The following AFF3 variants were observed in gnomAD, a reference collection of about 807,000 sequenced individuals.
AFF3 encodes ALF transcription elongation factor 3, also known as AF4/FMR2 family member 3.
In AFF3, 32 loss-of-function variants were observed where a neutral mutation model predicts 129.7. The observed-to-expected ratio is 0.25, with a 90% CI of 0.19 to 0.33. AFF3 has a LOEUF of 0.33. Ranked by LOEUF, AFF3 falls within the 10% of genes least tolerant of loss-of-function variation. The pLI is 1.00. For missense variants in AFF3, 1,373 were observed against 1,592.0 expected (o/e 0.86, Z 2.34); for synonymous variants, 644 against 635.4 (o/e 1.01, Z -0.20).
chr2:99,717,186 G>C (rs1360933156), intron 11 of AFF3, among the ~76,000 whole-genome samples: 1 of 152,160 alleles, frequency 6.6e-6, no homozygotes, highest in African/African-American at 2.4e-5. Flanking sequence ...AAGTAGCTAC[G>C]AATATTCTTG....
rs966104450 is a variant in AFF3 at position 99,548,700 on chromosome 2, G to A, written c.*2774C>T. 13 of 225,600 alleles carry A rather than the reference G, an allele frequency of 5.8e-5. No individual in the cohort carries two copies. Among genetic ancestry groups the A allele is most frequent in the East Asian group, 1.9e-4 (3 of 15,664 alleles). 14.0% of individuals were successfully genotyped at this position (225,600 alleles called of 1,614,324 possible). A position where few individuals can be genotyped will look rare whatever the true frequency, so the allele number is the denominator to read the frequency against. ...TGAGGCTGCAGGGAGCCATGATCGCGCCACCGCATTCCAGCTTGGGCTACA... is the reference window on the plus strand; with the variant it reads ...TGAGGCTGCAGGGAGCCATGATCGCACCACCGCATTCCAGCTTGGGCTACA... On this transcript the variant is annotated 3_prime_UTR_variant, in exon 25 of 25. Coordinates refer to ENST00000672756, the MANE Select transcript of AFF3 (RefSeq NM_001386135.1).
intron 8 of AFF3, among the ~76,000 whole-genome samples, chr2:99,767,436 TAATA>T (rs1432086095): frequency 2.0e-5 from 3 of 152,244 alleles, no homozygotes; most frequent in African/African-American, 7.2e-5. Context: ...ATTTTGGTTT[TAATA>T]AACTTCCTAA....
chr2:99,841,887 T>C lies in AFF3; in HGVS notation c.874-4363A>G, dbSNP rs1474524360. On this transcript the variant is annotated intron_variant, in intron 7 of 24. Coordinates refer to ENST00000672756, the MANE Select transcript of AFF3 (RefSeq NM_001386135.1). ...TAGAGCTGGCTCATGCTGAGGTAAC[T>C]TGCATGCTCACAGTATGAAAATAAA... is the stretch of plus-strand genomic sequence containing the variant. Among the ~76,000 whole-genome samples the C allele has an allele frequency of 3.9e-5, 6 of 152,288 alleles. No homozygotes were observed. In the East Asian group the frequency reaches 5.8e-4, roughly 15 times the overall value.
chr2:99,973,078 A>C (rs191207071), intron 7 of AFF3, among the ~76,000 whole-genome samples: 149 of 152,302 alleles, frequency 9.8e-4, no homozygotes, highest in African/African-American at 3.4e-3. Context: ...AAAACAACAC[A>C]TGATACCTGT....
chr2:99,845,015 C>T (rs1489916262), intron 7 of AFF3, among the ~76,000 whole-genome samples: 4 of 151,958 alleles, frequency 2.6e-5, no homozygotes, highest in Non-Finnish European at 4.4e-5. Flanking sequence ...AGAATAATGC[C>T]GGTTATCTAC....
At chr2:99,635,002 CATAT>C (rs1395814938) in intron 13 of AFF3, among the ~76,000 whole-genome samples, 4 of 149,622 alleles carry the variant, frequency 2.7e-5, no homozygotes, top group African/African-American at 1.0e-4. Context: ...CACACACACA[CATAT>C]GGTTGCTGTA....
At position 99,550,059 on chromosome 2, in the gene AFF3, T is replaced by C. The variant is rs1317033289; in HGVS notation, c.*1415A>G. 2 of 227,586 alleles carry C rather than the reference T, an allele frequency of 8.8e-6. No homozygotes were observed. Among genetic ancestry groups the C allele is most frequent in the Middle Eastern group, 1.3e-3 (1 of 772 alleles). The allele number at this position is 227,586 out of a possible 1,614,324, so 14.1% of individuals were successfully genotyped here. A position where few individuals can be genotyped will look rare whatever the true frequency, so the allele number is the denominator to read the frequency against. The stretch of plus-strand genomic sequence containing the variant: ...CCTCTTTTTCAGGAGTTATTTTCTT[T>C]TCGTCAAGATTTCATATCCAAATAT... On this transcript the variant is annotated 3_prime_UTR_variant, in exon 25 of 25. Coordinates refer to ENST00000672756, the MANE Select transcript of AFF3 (RefSeq NM_001386135.1).
At chr2:100,095,416 G>A (rs1402576614) in intron 4 of AFF3, among the ~76,000 whole-genome samples, 3 of 152,108 alleles carry the variant, frequency 2.0e-5, no homozygotes, top group African/African-American at 4.8e-5. Context: ...GGACTATGAC[G>A]TATTAAGGCA....
intron 11 of AFF3, among the ~76,000 whole-genome samples, chr2:99,696,086 C>T (rs5012600): frequency 6.6e-6 from 1 of 151,812 alleles, no homozygotes; most frequent in Non-Finnish European, 1.5e-5. Flanking sequence ...GCCTGACAGC[C>T]TCAGACAACA....
chr2:99,847,478 G>A (rs1043987970), intron 7 of AFF3, among the ~76,000 whole-genome samples: 2 of 151,916 alleles, frequency 1.3e-5, no homozygotes, highest in Non-Finnish European at 2.9e-5. Context: ...TTATTCTACT[G>A]GTGTTGCTTT....
chr2:99,995,808 T>C (rs535027287), intron 7 of AFF3, among the ~76,000 whole-genome samples: 1 of 152,342 alleles, frequency 6.6e-6, no homozygotes, highest in South Asian at 2.1e-4. Context: ...CTGGAAAAAC[T>C]GTTTACAATG....
intron 7 of AFF3, among the ~76,000 whole-genome samples, chr2:99,947,539 AAGAG>A (rs1217992360): frequency 2.0e-5 from 3 of 148,924 alleles, no homozygotes; most frequent in Non-Finnish European, 3.0e-5. Flanking sequence ...AAGAAAGAAA[AAGAG>A]AGAAAGAAAG....
intron 10 of AFF3, among the ~76,000 whole-genome samples, chr2:99,736,460 C>T (rs956818714): frequency 1.3e-5 from 2 of 152,026 alleles, no homozygotes; most frequent in African/African-American, 4.8e-5. Flanking sequence ...ATATATTTTC[C>T]TAACCTTTTT....
intron 24 of AFF3, among the ~76,000 whole-genome samples, chr2:99,552,523 C>T (rs1674504053): frequency 6.6e-6 from 1 of 152,170 alleles, no homozygotes. Flanking sequence ...GAGGAAAACA[C>T]ATTCATATGG....
chr2:99,630,233 T>A (rs926408229), intron 13 of AFF3, among the ~76,000 whole-genome samples: 1 of 152,218 alleles, frequency 6.6e-6, no homozygotes, highest in Admixed American at 6.5e-5. Flanking sequence ...ATGATGAGGA[T>A]GCGCTGCATG....
At chr2:99,938,897 G>A (rs1382982840) in intron 7 of AFF3, among the ~76,000 whole-genome samples, 1 of 152,126 alleles carries the variant, frequency 6.6e-6, no homozygotes, top group East Asian at 1.9e-4. Flanking sequence ...CTTTATACAT[G>A]CAGCCCCTCT....
intron 8 of AFF3, among the ~76,000 whole-genome samples, chr2:99,815,800 T>C (rs1687185585): frequency 6.6e-6 from 1 of 151,662 alleles, no homozygotes; most frequent in Non-Finnish European, 1.5e-5. Context: ...GTACTACTTA[T>C]CCTGGTTCCT....
chr2:100,070,229 A>C (rs559245362), intron 4 of AFF3, among the ~76,000 whole-genome samples: 4 of 152,292 alleles, frequency 2.6e-5, no homozygotes, highest in Admixed American at 2.0e-4. Flanking sequence ...AAAACTGTAA[A>C]ACGTGGTTGC....
chr2:99,672,683 G>T, intron 11 of AFF3, 94 bp from the exon 12 acceptor site: 3 of 1,192,466 alleles, frequency 2.5e-6, no homozygotes, highest in Non-Finnish European at 3.6e-6. Flanking sequence ...GTTGTTATTA[G>T]AGCAACATTT....
Sources: gnomAD v4.1 joint callset for allele counts (sites outside exome capture counted in the v4.1 genomes callset) on GRCh38, gnomAD v4.1.1 for gene constraint, MANE v1.5 for transcripts, NCBI Gene and HGNC (gene_info 2026-07-23, HGNC 2026-07-21) for gene names.